PODXL: variants seen among roughly 807,000 people sequenced by gnomAD.
PODXL encodes the protein podocalyxin.
A neutral mutation model predicts 48.9 loss-of-function variants in PODXL; 20 were observed. The ratio of observed to expected loss-of-function variants is 0.41; its 90% CI spans 0.29 to 0.59. The LOEUF is 0.59. PODXL is among the 20% of genes least tolerant of loss of function. The pLI, the probability that PODXL is intolerant of heterozygous loss-of-function variation, is 0.31. For synonymous variants in PODXL, 295 were observed against 287.4 expected (o/e 1.03, Z -0.27); for missense variants, 606 against 675.1 (o/e 0.90, Z 1.13).
chr7:131,506,246 G>A lies in PODXL; in HGVS notation c.1311+14C>T, dbSNP rs1279263781. 1 of 1,613,242 alleles carries A rather than the reference G, an allele frequency of 6.2e-7. No individual in the cohort carries two copies. The highest frequency in any genetic ancestry group is 2.2e-5 in the East Asian group (1 of 44,874). ...TCGGAGCCACTCTGTCCCCACACTT[G>A]GGGGGCCGCTTACCTCCTTTAGTTC... On this transcript the variant is annotated intron_variant, in intron 7 of 8. Coordinates refer to ENST00000378555, the MANE Select transcript of PODXL (RefSeq NM_001018111.3).
Position 131,556,495 on chromosome 7 carries a change from C to A in PODXL, c.-136G>T. ...GGAGGCCAGGCTGTGGCCCGGGGCT[C>A]CCGAGTCGCGCTGCGGCGGCTCTTC... On this transcript the variant is annotated 5_prime_UTR_variant, in exon 1 of 9. Transcript: ENST00000378555. 1 of 1,080,222 alleles carries A rather than the reference C, an allele frequency of 9.3e-7. No homozygotes were observed. Among genetic ancestry groups the A allele is most frequent in the Non-Finnish European group, 1.2e-6 (1 of 847,554 alleles). 66.9% of individuals were successfully genotyped at this position (1,080,222 alleles called of 1,614,324 possible).
chr7:131,535,372 A>G (rs1024168229), intron 1 of PODXL, among the ~76,000 whole-genome samples: 1 of 152,194 alleles, frequency 6.6e-6, no homozygotes, highest in Non-Finnish European at 1.5e-5. Context: ...ACACACACAC[A>G]AGTGAAGAAA....
chr7:131,537,939 C>T (rs182196588), intron 1 of PODXL, among the ~76,000 whole-genome samples: 60 of 152,322 alleles, frequency 3.9e-4, no homozygotes, highest in Non-Finnish European at 1.5e-5. Flanking sequence ...ATTGTGTGCA[C>T]ATGCCACTAT....
intron 1 of PODXL, among the ~76,000 whole-genome samples, chr7:131,515,860 A>G (rs988676371): frequency 3.3e-5 from 5 of 152,202 alleles, no homozygotes; most frequent in Admixed American, 6.5e-5. Flanking sequence ...CCGAAAGCCA[A>G]ATCTCATCAT....
At chr7:131,544,651 TGTACTACGCACGCA>T (rs1562917774) in intron 1 of PODXL, among the ~76,000 whole-genome samples, 3 of 24,402 alleles carry the variant, frequency 1.2e-4, no homozygotes, top group Non-Finnish European at 6.7e-4. Context: ...ACGCACGCCC[TGTACTACGCACGCA>T]CGCCCTGTAC....
chr7:131,538,417 C>T (rs1798419418), intron 1 of PODXL, among the ~76,000 whole-genome samples: 1 of 152,120 alleles, frequency 6.6e-6, no homozygotes, highest in African/African-American at 2.4e-5. Flanking sequence ...GCACAGGGTT[C>T]AATGACCTCT....
chr7:131,514,812 AT>A (rs1797967117), intron 1 of PODXL, among the ~76,000 whole-genome samples: 1 of 152,038 alleles, frequency 6.6e-6, no homozygotes, highest in African/African-American at 2.4e-5. Flanking sequence ...TCTCACTATA[AT>A]GGCCAGGCTA....
At chr7:131,545,598 C>T (rs1381895976) in intron 1 of PODXL, among the ~76,000 whole-genome samples, 2 of 152,164 alleles carry the variant, frequency 1.3e-5, no homozygotes. Flanking sequence ...GAAGCTGTTC[C>T]TCTCGATGTT....
chr7:131,556,276 C>CGGCGAT lies in PODXL; in HGVS notation c.83_84insATCGCC (p.Pro30_Ser31dup), dbSNP rs773840064. The stretch of plus-strand genomic sequence containing the variant: ...GCCACTCACCATTCTGGGAGGGCGA[C>CGGCGAT]GGCGACGGCGACGGCGACGACGGCA... On this transcript the variant is annotated inframe_insertion, in exon 1 of 9. Transcript: ENST00000378555. 1.2e-5 allele frequency: 9 copies of CGGCGAT among 779,994 alleles called. No homozygotes were observed. The African/African-American group carries it at 5.3e-4, about 46-fold the overall frequency. The allele number at this position is 779,994 out of a possible 1,614,324, so 48.3% of individuals were successfully genotyped here. A position where few individuals can be genotyped will look rare whatever the true frequency, so the allele number is the denominator to read the frequency against.
intron 1 of PODXL, among the ~76,000 whole-genome samples, chr7:131,543,039 G>A (rs1160865672): frequency 6.6e-6 from 1 of 152,182 alleles, no homozygotes; most frequent in Non-Finnish European, 1.5e-5. Flanking sequence ...ACCAGAGGCT[G>A]GGATGTTCTC....
chr7:131,538,748 G>GCTCCCA (rs1798424969), intron 1 of PODXL, among the ~76,000 whole-genome samples: 1 of 151,782 alleles, frequency 6.6e-6, no homozygotes, highest in Non-Finnish European at 1.5e-5. Flanking sequence ...CCCCACTCCC[G>GCTCCCA]CTCCCACTGT....
chr7:131,513,926 TGTCA>T (rs1375679755), intron 1 of PODXL, among the ~76,000 whole-genome samples: 2 of 152,206 alleles, frequency 1.3e-5, no homozygotes, highest in Non-Finnish European at 2.9e-5. Context: ...AAGGATTGGT[TGTCA>T]GGCCTTACTG....
rs1798539636 is a variant in PODXL at position 131,544,651 on chromosome 7, TGTACTACGCACG to T, written c.100+11597_100+11608del. 1.6e-3 allele frequency among the ~76,000 whole-genome samples: 39 copies of T among 24,446 alleles called. 2 individuals are homozygous for T. The South Asian group carries it at 0.082, about 52-fold the overall frequency. The allele number at this position is 24,446 out of a possible 152,430, so 16.0% of individuals were successfully genotyped here. ...CAGCAGGGCCTCCGCACGCACGCCC[TGTACTACGCACG>T]CACGCCCTGTACTACGCTTGGCAGT... On this transcript the variant is annotated intron_variant, in intron 1 of 8. Coordinates refer to ENST00000378555, the MANE Select transcript of PODXL (RefSeq NM_001018111.3).
chr7:131,533,761 C>T (rs765494770), intron 1 of PODXL, among the ~76,000 whole-genome samples: 2 of 152,180 alleles, frequency 1.3e-5, no homozygotes, highest in Non-Finnish European at 2.9e-5. Flanking sequence ...CTCTGTAACT[C>T]CCCACTAAAG....
chr7:131,552,389 A>T (rs1181800198), intron 1 of PODXL, among the ~76,000 whole-genome samples: 1 of 152,140 alleles, frequency 6.6e-6, no homozygotes, highest in African/African-American at 2.4e-5. Flanking sequence ...CCTCCCTGCA[A>T]GGGGGGGAAT....
In PODXL at chr7:131,556,365, C is replaced by G. The variant is rs774550558; in HGVS notation, c.-6G>C. On this transcript the variant is annotated 5_prime_UTR_variant, in exon 1 of 9. Coordinates refer to ENST00000378555, the MANE Select transcript of PODXL (RefSeq NM_001018111.3). ...AGCGCCAGCGCGCAGCGCATCGTGT[C>G]GTCGCCTCTGGGCCGGGAGCAGGTG... is the stretch of plus-strand genomic sequence containing the variant. 4 of 1,410,664 alleles carry G rather than the reference C, an allele frequency of 2.8e-6. No homozygotes were observed. The highest frequency in any genetic ancestry group is 3.7e-6 in the Non-Finnish European group (4 of 1,082,764). 87.4% of individuals were successfully genotyped at this position (1,410,664 alleles called of 1,614,324 possible).
Position 131,503,977 on chromosome 7 carries a change from CACTT to C in PODXL, c.*330_*333del, listed in dbSNP as rs1442103411. 1 of 356,536 alleles carries C rather than the reference CACTT, an allele frequency of 2.8e-6. No homozygotes were observed. 22.1% of individuals were successfully genotyped at this position (356,536 alleles called of 1,614,324 possible). ...CAAGTGGCTCTGACCTTGGGCAAGT[CACTT>C]ACCCTCTTCAGGTCTCGGCAATCTC... is the stretch of plus-strand genomic sequence containing the variant. On this transcript the variant is annotated 3_prime_UTR_variant, in exon 9 of 9. Transcript: ENST00000378555.
intron 1 of PODXL, among the ~76,000 whole-genome samples, chr7:131,546,222 T>C (rs2116862462): frequency 1.3e-5 from 2 of 152,218 alleles, no homozygotes; most frequent in Middle Eastern, 6.8e-3. Context: ...GGCTCAGGGT[T>C]GGATGATCTG....
intron 1 of PODXL, among the ~76,000 whole-genome samples, chr7:131,530,581 C>T (rs529047658): frequency 6.6e-6 from 1 of 151,824 alleles, no homozygotes; most frequent in Non-Finnish European, 1.5e-5. Context: ...CTCATCTCTA[C>T]AAAATATTCA....
Sources: gnomAD v4.1 joint callset for allele counts (sites outside exome capture counted in the v4.1 genomes callset) on GRCh38, gnomAD v4.1.1 for gene constraint, MANE v1.5 for transcripts, NCBI Gene and HGNC (gene_info 2026-07-23, HGNC 2026-07-21) for gene names.